Variants in PBLD observed in about 807,000 individuals in gnomAD.
PBLD encodes phenazine biosynthesis-like domain-containing protein.
In PBLD, 26 loss-of-function variants were observed where a neutral mutation model predicts 31.3. That is an observed-to-expected ratio of 0.83 (90% confidence interval 0.61 to 1.15). The LOEUF is 1.15. Ranked by LOEUF, PBLD falls within the 50% of genes most tolerant of loss-of-function variation. The pLI, the probability that PBLD is intolerant of heterozygous loss-of-function variation, is 0.00. For synonymous variants in PBLD, 114 were observed against 129.0 expected (o/e 0.88, Z 0.79); for missense variants, 307 against 351.7 (o/e 0.87, Z 1.02).
At chr10:68,319,059 GAAAGAAAGAAA>G (rs1416825222) in intron 1 of PBLD, among the ~76,000 whole-genome samples, 12 of 92,820 alleles carry the variant, frequency 1.3e-4, no homozygotes, top group Non-Finnish European at 2.3e-4. Context: ...GAGAGAGAAA[GAAAGAAAGAAA>G]GAAAGAAAGA....
intron 1 of PBLD, among the ~76,000 whole-genome samples, chr10:68,312,237 T>C (rs1448870118): frequency 6.6e-6 from 1 of 152,120 alleles, no homozygotes; most frequent in Non-Finnish European, 1.5e-5. Flanking sequence ...AGTTCTATTT[T>C]CAATTTTTTG....
chr10:68,324,101 T>C (rs1242358741), intron 1 of PBLD, among the ~76,000 whole-genome samples: 2 of 152,116 alleles, frequency 1.3e-5, no homozygotes, highest in East Asian at 1.9e-4. Context: ...CACTCACCCA[T>C]GCACAGCCTT....
chr10:68,330,824 C>A (rs1342674983), intron 1 of PBLD, among the ~76,000 whole-genome samples: 1 of 151,856 alleles, frequency 6.6e-6, no homozygotes, highest in Non-Finnish European at 1.5e-5. Context: ...CTTTACCAGG[C>A]TTCCCCTTAA....
chr10:68,296,007 C>CTTTG (rs2044421842), intron 4 of PBLD: 2 of 289,918 alleles, frequency 6.9e-6, no homozygotes, highest in African/African-American at 4.3e-5. Flanking sequence ...TCTTTGTAGA[C>CTTTG]CAGAAAGTAA....
chr10:68,323,941 T>C (rs1049029018), intron 1 of PBLD, among the ~76,000 whole-genome samples: 1 of 152,226 alleles, frequency 6.6e-6, no homozygotes, highest in Non-Finnish European at 1.5e-5. Context: ...TCTACATTCC[T>C]ATCCAGATTA....
In PBLD at chr10:68,283,960, T is replaced by C. The variant is rs2044256886; in HGVS notation, c.*217A>G. 5.0e-6 allele frequency: 2 copies of C among 400,970 alleles called. No homozygotes were observed. The highest frequency in any genetic ancestry group is 8.3e-5 in the Admixed American group (2 of 24,146). The allele number at this position is 400,970 out of a possible 1,614,324, so 24.8% of individuals were successfully genotyped here. ...CGAGGTTTCACCATGTTGGCCAGGCTGGTGTCGAACCCCTGACCTCAGGTG... is the reference window on the plus strand; with the variant it reads ...CGAGGTTTCACCATGTTGGCCAGGCCGGTGTCGAACCCCTGACCTCAGGTG... On this transcript the variant is annotated 3_prime_UTR_variant, in exon 10 of 10. Transcript: ENST00000358769.
intron 4 of PBLD, among the ~76,000 whole-genome samples, chr10:68,295,582 CCTGTTGAT>C (rs1204981134): frequency 1.3e-5 from 2 of 151,878 alleles, no homozygotes; most frequent in African/African-American, 4.8e-5. Flanking sequence ...GTGAAATGTT[CCTGTTGAT>C]CTCCAATCTC....
intron 1 of PBLD, among the ~76,000 whole-genome samples, chr10:68,326,546 C>G (rs549268936): frequency 1.8e-3 from 269 of 152,276 alleles, no homozygotes; most frequent in African/African-American, 5.9e-3. Flanking sequence ...TGTCCTGGCT[C>G]CCAATGTAGC....
intron 1 of PBLD, among the ~76,000 whole-genome samples, chr10:68,332,534 T>A (rs1477374836): frequency 1.3e-5 from 2 of 152,198 alleles, no homozygotes; most frequent in Non-Finnish European, 2.9e-5. Context: ...CACCTCGGCT[T>A]CCCGCCCTTC....
chr10:68,303,457 C>T (rs1242875029), intron 2 of PBLD, among the ~76,000 whole-genome samples: 2 of 150,838 alleles, frequency 1.3e-5, no homozygotes, highest in East Asian at 3.9e-4. Context: ...TTTGTTTTCA[C>T]CTAATGTATA....
In PBLD at chr10:68,284,150, G is replaced by T; in HGVS notation, c.*27C>A. On this transcript the variant is annotated 3_prime_UTR_variant, in exon 10 of 10. Coordinates refer to ENST00000358769, the MANE Select transcript of PBLD (RefSeq NM_022129.4). ...AAGCAGAAAATACTTGGTGGTTAGA[G>T]ACAGCAGCGTCACAGCATAACCACC... 1 of 1,568,404 alleles carries T rather than the reference G, an allele frequency of 6.4e-7. No individual in the cohort carries two copies. Among genetic ancestry groups the T allele is most frequent in the South Asian group, 1.1e-5 (1 of 88,974 alleles).
At chr10:68,298,756 A>G (rs928423321) in intron 2 of PBLD, among the ~76,000 whole-genome samples, 5 of 30,496 alleles carry the variant, frequency 1.6e-4, no homozygotes, top group Non-Finnish European at 3.3e-4. Context: ...ATGCATACGA[A>G]TACACACACA....
In PBLD at chr10:68,290,066, A is replaced by C. The variant is rs1255400132; in HGVS notation, c.424-1047T>G. Among the ~76,000 whole-genome samples the C allele has an allele frequency of 3.6e-5, 3 of 82,250 alleles. No individual in the cohort carries two copies. In the Admixed American group the frequency reaches 3.9e-4, roughly 11 times the overall value. 54.0% of individuals were successfully genotyped at this position (82,250 alleles called of 152,430 possible). On this transcript the variant is annotated intron_variant, in intron 6 of 9. Transcript: ENST00000358769. The stretch of plus-strand genomic sequence containing the variant: ...CATCATTTGTTTGTATGTTTGTTTG[A>C]GGGTGGCTTGGGGCAGAGGGGGATT...
chr10:68,309,406 C>CAAAAAAAAAAAAAAAAAAAAA (rs58152894), intron 1 of PBLD, among the ~76,000 whole-genome samples: 1 of 114,706 alleles, frequency 8.7e-6, no homozygotes, highest in African/African-American at 3.8e-5. Context: ...GATTATGTTT[C>CAAAAAAAAAAAAAAAAAAAAA]AAAAAAAAAA....
intron 1 of PBLD, among the ~76,000 whole-genome samples, chr10:68,325,732 TC>T (rs2134550174): frequency 6.6e-6 from 1 of 152,320 alleles, no homozygotes; most frequent in East Asian, 1.9e-4. Context: ...ATTTTGTACA[TC>T]CATGCCTTGG....
intron 1 of PBLD, among the ~76,000 whole-genome samples, chr10:68,312,170 A>G (rs908190007): frequency 1.3e-5 from 2 of 152,226 alleles, no homozygotes; most frequent in Non-Finnish European, 2.9e-5. Flanking sequence ...GAACGCAGAT[A>G]TTTCTTCAAC....
intron 1 of PBLD, among the ~76,000 whole-genome samples, chr10:68,319,547 G>A (rs1214941759): frequency 6.6e-6 from 1 of 151,680 alleles, no homozygotes; most frequent in African/African-American, 2.4e-5. Context: ...GCCAGGTGTG[G>A]TGGCATCTAC....
At chr10:68,312,605 C>CTTTT (rs71009043) in intron 1 of PBLD, among the ~76,000 whole-genome samples, 1 of 63,356 alleles carries the variant, frequency 1.6e-5, no homozygotes, top group Non-Finnish European at 2.8e-5. Context: ...AGTTTCTTTC[C>CTTTT]TTTTTTTTTT....
intron 1 of PBLD, among the ~76,000 whole-genome samples, chr10:68,320,979 G>T (rs1424364813): frequency 2.6e-5 from 4 of 151,780 alleles, no homozygotes; most frequent in Non-Finnish European, 4.4e-5. Context: ...GCACCACCAC[G>T]CCCAGCTAAC....
Sources: allele counts gnomAD v4.1 joint callset (sites outside exome capture counted in the v4.1 genomes callset), GRCh38; gene constraint gnomAD v4.1.1; transcripts MANE v1.5; gene names NCBI Gene and HGNC (gene_info 2026-07-23, HGNC 2026-07-21).